The following NR3C2 variants were observed in gnomAD, a reference collection of about 807,000 sequenced individuals.
NR3C2 encodes mineralocorticoid receptor.
NR3C2 carries 15 observed loss-of-function variants against 86.4 expected under a neutral mutation model. The ratio of observed to expected loss-of-function variants is 0.17; its 90% CI spans 0.12 to 0.27. The LOEUF is 0.27. NR3C2 is among the 10% of genes least tolerant of loss of function. NR3C2 has a pLI of 1.00. For synonymous variants in NR3C2, 458 were observed against 450.5 expected (o/e 1.02, Z -0.21); for missense variants, 960 against 1,195.6 (o/e 0.80, Z 2.91).
intron 5 of NR3C2, among the ~76,000 whole-genome samples, chr4:148,153,534 T>G (rs1411711569): frequency 6.6e-6 from 1 of 152,198 alleles, no homozygotes; most frequent in Non-Finnish European, 1.5e-5. Flanking sequence ...TTTTTCTGCC[T>G]GTGGAGTTTC....
At chr4:148,186,160 G>A (rs1735879186) in intron 4 of NR3C2, among the ~76,000 whole-genome samples, 1 of 151,734 alleles carries the variant, frequency 6.6e-6, no homozygotes. Context: ...TTTTATCCTT[G>A]TCAAAAAAAA....
chr4:148,186,996 GTATATATATATATATA>G (rs1162757665), intron 4 of NR3C2, among the ~76,000 whole-genome samples: 316 of 27,186 alleles, frequency 0.012, 3 homozygotes, highest in Middle Eastern at 0.017. Context: ...GTGTATGTAT[GTATATATATATATATA>G]TATATATATA....
chr4:148,158,062 G>A (rs1233592008), intron 4 of NR3C2, among the ~76,000 whole-genome samples: 4 of 152,054 alleles, frequency 2.6e-5, no homozygotes, highest in Non-Finnish European at 4.4e-5. Context: ...AAGATTTGAG[G>A]CACAGAAATC....
At chr4:148,302,154 C>T (rs1742370117) in intron 2 of NR3C2, among the ~76,000 whole-genome samples, 1 of 152,150 alleles carries the variant, frequency 6.6e-6, no homozygotes, top group Admixed American at 6.5e-5. Context: ...TTGACAGGCA[C>T]TCTCAAATGC....
chr4:148,109,530 G>A (rs933564705), intron 8 of NR3C2, among the ~76,000 whole-genome samples: 2 of 152,190 alleles, frequency 1.3e-5, no homozygotes, highest in African/African-American at 4.8e-5. Flanking sequence ...ACCATCCAGG[G>A]AACTGGTTTG....
chr4:148,273,904 GGCAGCTGGT>G (rs1369195830), intron 2 of NR3C2, among the ~76,000 whole-genome samples: 37 of 152,294 alleles, frequency 2.4e-4, no homozygotes, highest in Non-Finnish European at 4.3e-4. Context: ...CAAGAGATAA[GGCAGCTGGT>G]GCAGCTGGGG....
At chr4:148,430,266 A>T (rs1209536529) in intron 2 of NR3C2, among the ~76,000 whole-genome samples, 1 of 152,180 alleles carries the variant, frequency 6.6e-6, no homozygotes, top group African/African-American at 2.4e-5. Flanking sequence ...TTATCTCAGC[A>T]TCATTTTTAA....
intron 2 of NR3C2, among the ~76,000 whole-genome samples, chr4:148,337,356 C>T (rs1744545175): frequency 6.6e-6 from 1 of 152,054 alleles, no homozygotes. Flanking sequence ...GAATATTCTT[C>T]CCTTTCAAAC....
upstream of NR3C2, among the ~76,000 whole-genome samples, chr4:148,445,161 T>G (rs1443640611): frequency 1.3e-5 from 2 of 151,832 alleles, no homozygotes; most frequent in Non-Finnish European, 2.9e-5. Flanking sequence ...ACGCACCCCC[T>G]TCAGCCCTGC....
intron 4 of NR3C2, among the ~76,000 whole-genome samples, chr4:148,165,279 T>A (rs532733002): frequency 6.6e-6 from 1 of 152,314 alleles, no homozygotes; most frequent in South Asian, 2.1e-4. Context: ...TTATACCCAG[T>A]GACTTGGAAG....
chr4:148,426,842 C>T (rs1186347579), intron 2 of NR3C2, among the ~76,000 whole-genome samples: 3 of 152,200 alleles, frequency 2.0e-5, no homozygotes, highest in Admixed American at 1.3e-4. Flanking sequence ...CCAACATCGC[C>T]ACCTATATGA....
At chr4:148,156,205 A>G (rs987561481) in intron 4 of NR3C2, among the ~76,000 whole-genome samples, 3 of 152,262 alleles carry the variant, frequency 2.0e-5, no homozygotes, top group African/African-American at 7.2e-5. Flanking sequence ...GGCATGGGCA[A>G]GGACTTCATG....
intron 3 of NR3C2, chr4:148,208,233 G>A (rs1250808010): frequency 6.6e-6 from 1 of 152,284 alleles, no homozygotes; most frequent in Non-Finnish European, 1.5e-5. Context: ...CACTGACTGT[G>A]AGAGCTACAG....
chr4:148,088,299 C>T (rs1203922185), intron 8 of NR3C2, among the ~76,000 whole-genome samples: 1 of 152,194 alleles, frequency 6.6e-6, no homozygotes, highest in East Asian at 1.9e-4. Flanking sequence ...TTGTGGAAGA[C>T]AGTGTGGTGA....
rs553683466 is a variant in NR3C2 at position 148,150,542 on chromosome 4, TA to T, written c.2510+1926del. Among the ~76,000 whole-genome samples the T allele has an allele frequency of 2.2e-4, 33 of 152,264 alleles. No homozygotes were observed. The East Asian group carries it at 6.4e-3, about 29-fold the overall frequency. On this transcript the variant is annotated intron_variant, in intron 6 of 8. Coordinates refer to ENST00000358102, the MANE Select transcript of NR3C2 (RefSeq NM_000901.5). The stretch of plus-strand genomic sequence containing the variant: ...TAAACGGTGAAATCACCAAAAGGCA[TA>T]AAAATGCAAAACATGTGGCAATAAA...
intron 4 of NR3C2, among the ~76,000 whole-genome samples, chr4:148,155,346 T>C (rs1358685005): frequency 6.6e-6 from 1 of 152,096 alleles, no homozygotes; most frequent in East Asian, 1.9e-4. Flanking sequence ...GACGACATGA[T>C]TGTATATCTA....
At chr4:148,148,169 CTTCCCTTA>C (rs2149760441) in intron 6 of NR3C2, among the ~76,000 whole-genome samples, 1 of 152,302 alleles carries the variant, frequency 6.6e-6, no homozygotes, top group Admixed American at 6.5e-5. Flanking sequence ...CCTGAGTCTT[CTTCCCTTA>C]TTCCCTATCC....
At chr4:148,251,381 T>G (rs1194306950) in intron 3 of NR3C2, among the ~76,000 whole-genome samples, 2 of 152,218 alleles carry the variant, frequency 1.3e-5, no homozygotes, top group Non-Finnish European at 2.9e-5. Flanking sequence ...TTTAGCAATT[T>G]CCATTTCTGG....
At chr4:148,217,508 T>C (rs1027864936) in intron 3 of NR3C2, among the ~76,000 whole-genome samples, 13 of 152,186 alleles carry the variant, frequency 8.5e-5, no homozygotes, top group Non-Finnish European at 1.8e-4. Context: ...TGGAATGACA[T>C]GACTGTCCTA....
Sources: allele counts gnomAD v4.1 joint callset (sites outside exome capture counted in the v4.1 genomes callset), GRCh38; gene constraint gnomAD v4.1.1; transcripts MANE v1.5; gene names NCBI Gene and HGNC (gene_info 2026-07-23, HGNC 2026-07-21).